Variants in EDARADD observed in about 807,000 individuals in gnomAD.
The protein encoded by EDARADD is EDAR associated via death domain.
EDARADD carries 20 observed loss-of-function variants against 25.6 expected under a neutral mutation model. The ratio of observed to expected loss-of-function variants is 0.78; its 90% CI spans 0.55 to 1.14. The LOEUF is 1.14. EDARADD is among the 50% of genes most tolerant of loss of function. The pLI is 0.00. For synonymous variants in EDARADD, 86 were observed against 94.4 expected (o/e 0.91, Z 0.52); for missense variants, 225 against 270.1 (o/e 0.83, Z 1.17).
intron 3 of EDARADD, among the ~76,000 whole-genome samples, chr1:236,423,918 C>T (rs1657842436): frequency 6.6e-6 from 1 of 151,950 alleles, no homozygotes. Context: ...CCAGCTGGGA[C>T]AACATGGTGA....
At chr1:236,361,732 T>G (rs948368406) in intron 3 of EDARADD, among the ~76,000 whole-genome samples, 1 of 151,446 alleles carries the variant, frequency 6.6e-6, no homozygotes, top group African/African-American at 2.4e-5. Flanking sequence ...ATGTTGTTAG[T>G]ATCAGTGGTC....
rs1421246598 is a variant in EDARADD, at chr1:236,398,483, C to T, written c.61+3978C>T. On this transcript the variant is annotated intron_variant, in intron 1 of 5. Coordinates refer to ENST00000334232, the MANE Select transcript of EDARADD (RefSeq NM_145861.4). This position sits in a 1 kb window ranked among gnomAD's most constrained non-coding sequence, Gnocchi z 4.1. ...CTGGCTTTCCAACACTCCGACAGAT[C>T]CTCAGTCCTTGAGGCTTACACACTC... 1.3e-5 allele frequency among the ~76,000 whole-genome samples: 2 copies of T among 152,238 alleles called. No individual in the cohort carries two copies. Among genetic ancestry groups the T allele is most frequent in the Admixed American group, 6.5e-5 (1 of 15,276 alleles).
chr1:236,424,038 G>A (rs989111234), intron 3 of EDARADD, among the ~76,000 whole-genome samples: 2 of 151,834 alleles, frequency 1.3e-5, no homozygotes, highest in Admixed American at 6.6e-5. Context: ...CCTGGGAAAT[G>A]GAGGTTGCAG....
Position 236,484,488 on chromosome 1 carries a change from C to T in EDARADD, c.*1839C>T, listed in dbSNP as rs1011833366. 6 of 1,593,242 alleles carry T rather than the reference C, an allele frequency of 3.8e-6. No homozygotes were observed. Among genetic ancestry groups the T allele is most frequent in the Admixed American group, 1.7e-5 (1 of 59,822 alleles). The stretch of plus-strand genomic sequence containing the variant: ...CAAGTAAGCTGTGGGCAGGCAAGCC[C>T]TTCAGTCACCTGGTGGCTAATTAGA... On this transcript the variant is annotated 3_prime_UTR_variant, in exon 6 of 6. Transcript: ENST00000334232. This position sits in a 1 kb window ranked among gnomAD's most constrained non-coding sequence, Gnocchi z 4.1.
chr1:236,366,114 C>T (rs1473678934), intron 3 of EDARADD, among the ~76,000 whole-genome samples: 4 of 152,210 alleles, frequency 2.6e-5, no homozygotes, highest in Non-Finnish European at 4.4e-5. Context: ...ATTACTCTCT[C>T]ATTATGGGTC....
intron 3 of EDARADD, among the ~76,000 whole-genome samples, chr1:236,361,166 G>C (rs2590577): frequency 0.47 from 71,967 of 151,822 alleles, 17,552 homozygotes; most frequent in East Asian, 0.84. Flanking sequence ...TTACCATATT[G>C]AAGACAGTGA....
At chr1:236,436,106 C>T (rs1658241385) in intron 4 of EDARADD, among the ~76,000 whole-genome samples, 1 of 151,736 alleles carries the variant, frequency 6.6e-6, no homozygotes. Context: ...GAGTTCAAGA[C>T]CAGCCTGGGC....
intron 4 of EDARADD, 98 bp from the exon 5 acceptor site, chr1:236,468,133 C>T: frequency 8.1e-7 from 1 of 1,240,934 alleles, no homozygotes; most frequent in Non-Finnish European, 1.2e-6. Context: ...ACCCCAGCCC[C>T]CAGGGTTTTG....
intron 3 of EDARADD, among the ~76,000 whole-genome samples, chr1:236,372,535 T>C (rs982504531): frequency 6.6e-6 from 1 of 152,224 alleles, no homozygotes; most frequent in African/African-American, 2.4e-5. Flanking sequence ...TTTCTCTTCT[T>C]GTAACACTTT....
chr1:236,420,056 C>T lies in EDARADD; in HGVS notation c.160+5757C>T, dbSNP rs182752595. Among the ~76,000 whole-genome samples, 335 of 152,194 alleles carry T rather than the reference C, an allele frequency of 2.2e-3. 1 individual carries two copies. The highest frequency in any genetic ancestry group is 7.7e-3 in the African/African-American group (318 of 41,522). ...GAATTAGTCAGGTGTGGTGGTGGCA[C>T]GCACCTGTAATCCCAGATACTGGAG... On this transcript the variant is annotated intron_variant, in intron 3 of 5. Transcript: ENST00000334232.
intron 4 of EDARADD, among the ~76,000 whole-genome samples, chr1:236,463,740 T>A (rs1659104134): frequency 6.6e-6 from 1 of 152,220 alleles, no homozygotes; most frequent in Non-Finnish European, 1.5e-5. Context: ...ATTCCCCATT[T>A]CTGCTTCCTA....
At chr1:236,369,136 A>G (rs666305) in intron 3 of EDARADD, among the ~76,000 whole-genome samples, 44,788 of 151,942 alleles carry the variant, frequency 0.29, 6,961 homozygotes, top group African/African-American at 0.39. Flanking sequence ...GGTATTGTCA[A>G]TCCTCCAAAT....
In EDARADD at chr1:236,424,060, C is replaced by T. The variant is rs558208608; in HGVS notation, c.161-3332C>T. 1.1e-3 allele frequency among the ~76,000 whole-genome samples: 160 copies of T among 151,376 alleles called. 1 individual carries two copies. Among genetic ancestry groups the T allele is most frequent in the Middle Eastern group, 0.01 (3 of 294 alleles). On this transcript the variant is annotated intron_variant, in intron 3 of 5. Coordinates refer to ENST00000334232, the MANE Select transcript of EDARADD (RefSeq NM_145861.4). The stretch of plus-strand genomic sequence containing the variant: ...AATGGAGGTTGCAGTGAGCTGAGAT[C>T]GCACCACTGCACTCCAGCCTGGGTG...
chr1:236,362,255 AG>A (rs1667059715), intron 3 of EDARADD, among the ~76,000 whole-genome samples: 1 of 152,198 alleles, frequency 6.6e-6, no homozygotes, highest in Non-Finnish European at 1.5e-5. Flanking sequence ...AAGAGTCTGC[AG>A]TGGCATCTTG....
At chr1:236,429,260 G>A (rs866361950) in intron 4 of EDARADD, among the ~76,000 whole-genome samples, 11 of 149,564 alleles carry the variant, frequency 7.4e-5, no homozygotes, top group South Asian at 2.1e-4. Flanking sequence ...ACTCTGGAGT[G>A]CAGTGGTGCG....
At chr1:236,355,701 G>A (rs1207738530) in intron 3 of EDARADD, among the ~76,000 whole-genome samples, 6 of 151,582 alleles carry the variant, frequency 4.0e-5, no homozygotes, top group Admixed American at 3.9e-4. Flanking sequence ...GTAGAGACAA[G>A]GTTTCACCAT....
intron 4 of EDARADD, among the ~76,000 whole-genome samples, chr1:236,462,419 C>T (rs190103646): frequency 3.3e-5 from 5 of 152,050 alleles, no homozygotes; most frequent in Admixed American, 2.6e-4. Flanking sequence ...ATTGGGGTCT[C>T]GGTGCAGGAG....
chr1:236,365,342 G>T (rs1667102066), intron 3 of EDARADD, among the ~76,000 whole-genome samples: 1 of 151,890 alleles, frequency 6.6e-6, no homozygotes, highest in African/African-American at 2.4e-5. Context: ...TTTATCTTTT[G>T]TAGAAACAAG....
At chr1:236,462,778 A>G (rs930566232) in intron 4 of EDARADD, among the ~76,000 whole-genome samples, 2 of 152,206 alleles carry the variant, frequency 1.3e-5, no homozygotes, top group Non-Finnish European at 2.9e-5. Context: ...TTGCCCAAAT[A>G]TAAGATAATT....
Sources: gnomAD v4.1 joint callset for allele counts (sites outside exome capture counted in the v4.1 genomes callset) on GRCh38, gnomAD v4.1.1 for gene constraint, Gnocchi (gnomAD v3.1) non-coding constraint, MANE v1.5 for transcripts, NCBI Gene and HGNC (gene_info 2026-07-23, HGNC 2026-07-21) for gene names.